PSMB7: variants seen among roughly 807,000 people sequenced by gnomAD.
The protein encoded by PSMB7 is proteasome 20S subunit beta 7.
PSMB7 carries 5 observed loss-of-function variants against 28.1 expected under a neutral mutation model. The ratio of observed to expected loss-of-function variants is 0.18; its 90% CI spans 0.09 to 0.37. The LOEUF (loss-of-function observed/expected upper bound fraction) is 0.37, where lower values mean the gene tolerates loss of function less well. PSMB7 is among the 10% of genes least tolerant of loss of function. The pLI is 1.00. For missense variants in PSMB7, 275 were observed against 346.2 expected, an observed-to-expected ratio of 0.79 and a Z score of 1.63; for synonymous variants, 122 against 123.7, an observed-to-expected ratio of 0.99 and a Z score of 0.09.
chr9:124,375,148 T>C (rs1830597124), intron 6 of PSMB7, among the ~76,000 whole-genome samples: 2 of 151,694 alleles, frequency 1.3e-5, no homozygotes, highest in East Asian at 1.9e-4. Context: ...TAAACAAAAA[T>C]ACCAGCATAA....
intron 5 of PSMB7, among the ~76,000 whole-genome samples, chr9:124,399,049 AC>A: frequency 2.5e-4 from 1 of 4,048 alleles, no homozygotes; most frequent in African/African-American, 3.1e-4. Flanking sequence ...TGTCACATTT[AC>A]AACACTTTAC....
chr9:124,406,475 C>G (rs1353144936), intron 4 of PSMB7, among the ~76,000 whole-genome samples: 4 of 133,130 alleles, frequency 3.0e-5, no homozygotes, highest in Non-Finnish European at 4.6e-5. Context: ...GCACTCCAGC[C>G]AGGACAGAGC....
chr9:124,377,239 G>A (rs1830621268), intron 6 of PSMB7, among the ~76,000 whole-genome samples: 1 of 152,174 alleles, frequency 6.6e-6, no homozygotes, highest in South Asian at 2.1e-4. Context: ...CACAGACAAG[G>A]ATGCCCCTCT....
chr9:124,365,442 C>G (rs532570005), intron 6 of PSMB7, among the ~76,000 whole-genome samples: 2 of 151,928 alleles, frequency 1.3e-5, no homozygotes, highest in Non-Finnish European at 2.9e-5. Context: ...AAGGTGTGGT[C>G]GAGTAGGTAG....
chr9:124,358,424 G>A (rs1830434993), intron 6 of PSMB7, among the ~76,000 whole-genome samples: 1 of 152,200 alleles, frequency 6.6e-6, no homozygotes, highest in Non-Finnish European at 1.5e-5. Flanking sequence ...TGGGGCCAAT[G>A]AAGCCAATTC....
intron 6 of PSMB7, among the ~76,000 whole-genome samples, chr9:124,380,071 A>G (rs1830650312): frequency 6.6e-6 from 1 of 152,202 alleles, no homozygotes; most frequent in Non-Finnish European, 1.5e-5. Flanking sequence ...CAGCACAGGG[A>G]CACAAATAAA....
intron 6 of PSMB7, among the ~76,000 whole-genome samples, chr9:124,374,688 G>A (rs1005275749): frequency 5.9e-5 from 9 of 152,092 alleles, no homozygotes; most frequent in Admixed American, 1.3e-4. Flanking sequence ...AGCTGAGCAC[G>A]GTAGCACCCT....
chr9:124,397,139 T>C (rs895610232), intron 5 of PSMB7, among the ~76,000 whole-genome samples: 1 of 152,216 alleles, frequency 6.6e-6, no homozygotes, highest in African/African-American at 2.4e-5. Context: ...CATACTTCCT[T>C]ACTTGTGGTT....
chr9:124,413,696 G>A (rs1275684282), intron 3 of PSMB7, among the ~76,000 whole-genome samples: 1 of 152,210 alleles, frequency 6.6e-6, no homozygotes, highest in African/African-American at 2.4e-5. Flanking sequence ...GAGGCACAGA[G>A]AGGGCAAAAC....
chr9:124,388,497 A>G (rs1003198911), intron 5 of PSMB7, among the ~76,000 whole-genome samples: 2 of 152,224 alleles, frequency 1.3e-5, no homozygotes, highest in Non-Finnish European at 2.9e-5. Context: ...AGGTCATTTC[A>G]TCATCCTCAT....
At chr9:124,385,714 A>G (rs1195003063) in intron 5 of PSMB7, among the ~76,000 whole-genome samples, 1 of 152,206 alleles carries the variant, frequency 6.6e-6, no homozygotes. Context: ...TCGCTTGACC[A>G]CCTCAATGGT....
chr9:124,409,313 A>G (rs751034402), intron 4 of PSMB7, among the ~76,000 whole-genome samples: 15 of 152,208 alleles, frequency 9.9e-5, no homozygotes, highest in Non-Finnish European at 1.9e-4. Context: ...ATAAATGTAC[A>G]TTATGTTTAT....
At chr9:124,415,239 G>T in intron 1 of PSMB7, 125 bp downstream of exon 1, 2 of 1,084,368 alleles carry the variant, frequency 1.8e-6, no homozygotes, top group South Asian at 1.4e-5. Flanking sequence ...AGTCACACTA[G>T]CCGCGGGCCA....
At chr9:124,406,383 TC>T (rs1830963553) in intron 4 of PSMB7, among the ~76,000 whole-genome samples, 1 of 150,884 alleles carries the variant, frequency 6.6e-6, no homozygotes, top group African/African-American at 2.4e-5. Context: ...GTACCTGTAG[TC>T]CCAGATACTT....
chr9:124,364,921 C>G (rs145388775), intron 6 of PSMB7, among the ~76,000 whole-genome samples: 56 of 152,334 alleles, frequency 3.7e-4, no homozygotes, highest in Non-Finnish European at 6.5e-4. Flanking sequence ...CTGCTAGATG[C>G]TGGGCACATG....
chr9:124,363,543 T>G (rs765092882), intron 6 of PSMB7, among the ~76,000 whole-genome samples: 3 of 152,192 alleles, frequency 2.0e-5, no homozygotes, highest in Non-Finnish European at 2.9e-5. Flanking sequence ...AGTTTGGAGT[T>G]TGGCCTGAGC....
chr9:124,413,046 T>A (rs1054920242), intron 3 of PSMB7, among the ~76,000 whole-genome samples: 6 of 148,784 alleles, frequency 4.0e-5, no homozygotes, highest in Non-Finnish European at 5.9e-5. Flanking sequence ...CTGGGCATGA[T>A]GGCTCATGCC....
At chr9:124,381,942 A>C (rs2131159522) in intron 6 of PSMB7, among the ~76,000 whole-genome samples, 1 of 152,270 alleles carries the variant, frequency 6.6e-6, no homozygotes, top group Non-Finnish European at 1.5e-5. Flanking sequence ...CCACTAAAGA[A>C]GAAGGTACCA....
intron 6 of PSMB7, among the ~76,000 whole-genome samples, chr9:124,362,673 TTAA>T (rs1482741834): frequency 9.3e-5 from 14 of 149,848 alleles, no homozygotes; most frequent in Non-Finnish European, 1.9e-4. Flanking sequence ...CTGGTTATAG[TTAA>T]TAACAATGTA....
Sources: allele counts gnomAD v4.1 joint callset (sites outside exome capture counted in the v4.1 genomes callset), GRCh38; gene constraint gnomAD v4.1.1; transcripts MANE v1.5; gene names NCBI Gene and HGNC (gene_info 2026-07-23, HGNC 2026-07-21).